Variants in PRRC2B observed in about 807,000 individuals in gnomAD.
PRRC2B encodes proline rich coiled-coil 2B, also known as protein PRRC2B.
PRRC2B carries 68 observed loss-of-function variants against 242.3 expected under a neutral mutation model. The observed-to-expected ratio is 0.28, with a 90% CI of 0.23 to 0.34. The LOEUF is 0.34. Among genes scored for constraint, PRRC2B ranks in the 10% least tolerant of loss-of-function variants. PRRC2B has a pLI of 1.00. For synonymous variants in PRRC2B, 1,228 were observed against 1,173.6 expected, an observed-to-expected ratio of 1.05 and a Z score of -0.95; for missense variants, 2,835 against 2,954.8, an observed-to-expected ratio of 0.96 and a Z score of 0.94.
chr9:131,484,316 T>C (rs1410926596), intron 23 of PRRC2B, among the ~76,000 whole-genome samples: 1 of 152,152 alleles, frequency 6.6e-6, no homozygotes, highest in African/African-American at 2.4e-5. Flanking sequence ...AGTCCATATT[T>C]ATACTGCCGG....
intron 9 of PRRC2B, 42 bp downstream of exon 9, chr9:131,447,846 A>C (rs915728077): frequency 7.6e-6 from 12 of 1,589,086 alleles, no homozygotes; most frequent in Non-Finnish European, 1.0e-5. Context: ...GCAGGACCAA[A>C]GTCCATATGT....
intron 1 of PRRC2B, among the ~76,000 whole-genome samples, chr9:131,385,296 G>A (rs922262112): frequency 1.3e-5 from 2 of 149,338 alleles, no homozygotes; most frequent in African/African-American, 2.4e-5. Flanking sequence ...AGCTGAGATC[G>A]TGCTGTTGCA....
Position 131,439,043 on chromosome 9 carries a change from C to G in PRRC2B, c.451C>G (p.Pro151Ala). Residue 151 changes from proline (P) to alanine (A), a missense_variant, in exon 5 of 32, where the codon CCA becomes GCA. Coordinates refer to ENST00000683519, the MANE Select transcript of PRRC2B (RefSeq NM_013318.4). The part of the protein sequence containing the change: ...PKSWAQLNGK[P>A]VGHEGGLRGS... ...GTCATGGGCACAGCTGAATGGAAAG[C>G]CAGTAGGACACGAAGGTGGTAAGTG... 1.9e-6 allele frequency: 3 copies of G among 1,613,668 alleles called. No individual in the cohort carries two copies. Among genetic ancestry groups the G allele is most frequent in the Non-Finnish European group, 1.7e-6 (2 of 1,179,730 alleles).
chr9:131,429,486 G>T (rs1243527131), intron 1 of PRRC2B, among the ~76,000 whole-genome samples: 1 of 152,248 alleles, frequency 6.6e-6, no homozygotes, highest in Non-Finnish European at 1.5e-5. Flanking sequence ...TTTTCCATGT[G>T]TGTAGCTTAG....
At chr9:131,423,034 G>A (rs1324189450) in intron 1 of PRRC2B, among the ~76,000 whole-genome samples, 2 of 152,180 alleles carry the variant, frequency 1.3e-5, no homozygotes, top group African/African-American at 4.8e-5. Flanking sequence ...CACATAGGCT[G>A]GACTTCTTTC....
Position 131,402,678 on chromosome 9 carries a change from G to A in PRRC2B, c.-52+8415G>A, listed in dbSNP as rs548925548. Reference sequence around the variant, plus strand: ...AGAAACCAAGCTCACCTCAGTCTGGGTGTGGGGCAGTCAGGGAAGGCATTC... The same window carrying A: ...AGAAACCAAGCTCACCTCAGTCTGGATGTGGGGCAGTCAGGGAAGGCATTC... On this transcript the variant is annotated intron_variant, in intron 1 of 31. Transcript: ENST00000683519. Among the ~76,000 whole-genome samples, 18 of 152,286 alleles carry A rather than the reference G, an allele frequency of 1.2e-4. No homozygotes were observed. The East Asian group carries it at 1.4e-3, about 11-fold the overall frequency.
At chr9:131,478,905 G>T (rs1943781621) in intron 18 of PRRC2B, among the ~76,000 whole-genome samples, 1 of 152,166 alleles carries the variant, frequency 6.6e-6, no homozygotes, top group Non-Finnish European at 1.5e-5. Context: ...TCCAAGGCAA[G>T]ATGCAGACCT....
rs771770463 is a variant in PRRC2B at position 131,482,384 on chromosome 9, G to A, written c.4997G>A (p.Ser1666Asn). The A allele has an allele frequency of 6.3e-7, 1 of 1,583,912 alleles. No homozygotes were observed. Among genetic ancestry groups the A allele is most frequent in the South Asian group, 1.1e-5 (1 of 89,324 alleles). Residue 1666 changes from serine to asparagine, a missense_variant, in exon 21 of 32, where the codon AGC becomes AAC. By Grantham distance (46) the Ser-to-Asn change is conservative (BLOSUM62 1). Transcript: ENST00000683519. This position sits in a 1 kb window ranked among gnomAD's most constrained non-coding sequence, Gnocchi z 5.2. The part of the protein sequence containing the change: ...ETGSAEQGFK[S>N]SQGDSGVDLS... ...TGCTCTGCACAGCAGGGTTTTAAGA[G>A]CAGCCAGGGAGATAGTGGCGTTGAC...
chr9:131,469,150 A>G (rs992202588), intron 13 of PRRC2B, among the ~76,000 whole-genome samples: 2 of 152,128 alleles, frequency 1.3e-5, no homozygotes, highest in Non-Finnish European at 2.9e-5. Context: ...CCTGACCAAT[A>G]TGGTGAAACC....
chr9:131,437,434 A>G (rs914947925), intron 4 of PRRC2B, among the ~76,000 whole-genome samples: 1 of 152,266 alleles, frequency 6.6e-6, no homozygotes, highest in Non-Finnish European at 1.5e-5. Flanking sequence ...GAGCCTGGCT[A>G]CAGGTTTCCA....
intron 1 of PRRC2B, among the ~76,000 whole-genome samples, chr9:131,397,101 C>G (rs1270457875): frequency 6.6e-6 from 1 of 152,216 alleles, no homozygotes. Flanking sequence ...CGCTTCCTGC[C>G]TCTTGGCCCT....
rs191925510 is a variant in PRRC2B, at chr9:131,396,618, G to C, written c.-52+2355G>C. Among the ~76,000 whole-genome samples, 69 of 152,220 alleles carry C rather than the reference G, an allele frequency of 4.5e-4. No individual in the cohort carries two copies. The East Asian group carries it at 9.6e-3, about 21-fold the overall frequency. Reference sequence around the variant, plus strand: ...TGGGATTACAGGCCTGAGCTACCGCGCCCGGTCTTCTTTCTCTTAATGCTT... The same window carrying C: ...TGGGATTACAGGCCTGAGCTACCGCCCCCGGTCTTCTTTCTCTTAATGCTT... On this transcript the variant is annotated intron_variant, in intron 1 of 31. Transcript: ENST00000683519.
chr9:131,489,539 C>G (rs1944125175), intron 28 of PRRC2B, among the ~76,000 whole-genome samples: 1 of 152,126 alleles, frequency 6.6e-6, no homozygotes, highest in Non-Finnish European at 1.5e-5. Flanking sequence ...TCCCCATCAG[C>G]AGATCTGCCG....
At chr9:131,444,389 C>G in intron 6 of PRRC2B, 61 bp downstream of exon 6, 20 of 1,561,342 alleles carry the variant, frequency 1.3e-5, no homozygotes, top group Non-Finnish European at 1.7e-5. Flanking sequence ...TCTCATCTCT[C>G]TGCACTCCTA....
In PRRC2B at chr9:131,470,792, A is replaced by T; in HGVS notation, c.1916A>T (p.Gln639Leu). 1.9e-6 allele frequency: 3 copies of T among 1,611,706 alleles called. No individual in the cohort carries two copies. The highest frequency in any genetic ancestry group is 2.5e-6 in the Non-Finnish European group (3 of 1,178,786). The part of the protein sequence containing the change: ...QRQQQQQQQE[Q>L]LYKMQHWQPV... The stretch of plus-strand genomic sequence containing the variant: ...TCTCTCTCTCTCTGTGGGCAGGAGC[A>T]GCTGTACAAGATGCAGCACTGGCAG... The change falls in exon 14 of 32, where the codon CAG becomes CTG. Residue 639 changes from glutamine to leucine, a missense_variant. Transcript: ENST00000683519.
intron 1 of PRRC2B, among the ~76,000 whole-genome samples, chr9:131,412,483 C>T (rs943377086): frequency 2.0e-5 from 3 of 152,186 alleles, no homozygotes; most frequent in Non-Finnish European, 2.9e-5. Flanking sequence ...TGCGTGCGTG[C>T]GTGCATGCAC....
At chr9:131,490,723 CTG>C (rs1030390258) in intron 28 of PRRC2B, 2 of 404,178 alleles carry the variant, frequency 4.9e-6, no homozygotes, top group African/African-American at 4.1e-5. Flanking sequence ...CCCCCACAGT[CTG>C]GAATCCAGCC....
rs76644652 is a variant in PRRC2B at position 131,430,062 on chromosome 9, T to C, written c.-51-32T>C. 1,076 of 610,562 alleles carry C rather than the reference T, an allele frequency of 1.8e-3. 9 individuals are homozygous for C. The highest frequency in any genetic ancestry group is 0.015 in the African/African-American group (791 of 51,746). 37.8% of individuals were successfully genotyped at this position (610,562 alleles called of 1,614,324 possible). The stretch of plus-strand genomic sequence containing the variant: ...CACTCTTTTTTTTTTTTCTCTCTCT[T>C]TTTTTTTTTTTCTTCTCTATTTCAA... On this transcript the variant is annotated intron_variant, in intron 1 of 31. Transcript: ENST00000683519.
At chr9:131,420,067 C>G (rs1837761225) in intron 1 of PRRC2B, among the ~76,000 whole-genome samples, 2 of 152,078 alleles carry the variant, frequency 1.3e-5, no homozygotes, top group African/African-American at 4.8e-5. Context: ...TCACCATACG[C>G]CTCAATGCTT....
Sources: allele counts gnomAD v4.1 joint callset (sites outside exome capture counted in the v4.1 genomes callset), GRCh38; gene constraint gnomAD v4.1.1; non-coding constraint Gnocchi (gnomAD v3.1); transcripts MANE v1.5; gene names NCBI Gene and HGNC (gene_info 2026-07-23, HGNC 2026-07-21).